CTNND2: variants seen among roughly 807,000 people sequenced by gnomAD.
CTNND2 encodes catenin delta 2.
In CTNND2, 22 loss-of-function variants were observed where a neutral mutation model predicts 144.4. The observed-to-expected ratio is 0.15, with a 90% CI of 0.11 to 0.22. The LOEUF is 0.22. Ranked by LOEUF, CTNND2 falls within the 10% of genes least tolerant of loss-of-function variation. The probability of loss-of-function intolerance (pLI) is 1.00; values close to 1 mark genes in which losing one functional copy is unlikely to be tolerated. For missense variants in CTNND2, 1,353 were observed against 1,618.8 expected (o/e 0.84, Z 2.82); for synonymous variants, 751 against 695.6 (o/e 1.08, Z -1.25).
intron 2 of CTNND2, among the ~76,000 whole-genome samples, chr5:11,630,130 C>T (rs1284139594): frequency 3.3e-5 from 5 of 152,128 alleles, no homozygotes; most frequent in Admixed American, 3.3e-4. Flanking sequence ...CATTGTGCTT[C>T]TTAGTCCTGG....
At chr5:11,574,066 G>A (rs147957961) in intron 2 of CTNND2, among the ~76,000 whole-genome samples, 12 of 152,134 alleles carry the variant, frequency 7.9e-5, no homozygotes, top group Non-Finnish European at 1.8e-4. Flanking sequence ...CTCTAGAACT[G>A]TTTAAAATGC....
intron 18 of CTNND2, among the ~76,000 whole-genome samples, chr5:11,013,561 A>G (rs1741308547): frequency 6.6e-6 from 1 of 152,230 alleles, no homozygotes; most frequent in African/African-American, 2.4e-5. Context: ...CAGAGAAGAC[A>G]GATTAGACTT....
At chr5:11,145,735 C>G (rs1681410961) in intron 12 of CTNND2, among the ~76,000 whole-genome samples, 2 of 152,310 alleles carry the variant, frequency 1.3e-5, no homozygotes, top group Admixed American at 6.5e-5. Flanking sequence ...CTCTTCCAAT[C>G]ACACTTCCAT....
chr5:11,233,039 A>G (rs749374018), intron 10 of CTNND2, among the ~76,000 whole-genome samples: 12 of 152,244 alleles, frequency 7.9e-5, no homozygotes, highest in Admixed American at 3.3e-4. Flanking sequence ...ACCTTCTGCC[A>G]TGATTATAAG....
At chr5:11,263,507 A>ATG (rs1181795612) in intron 9 of CTNND2, among the ~76,000 whole-genome samples, 2 of 151,656 alleles carry the variant, frequency 1.3e-5, no homozygotes, top group African/African-American at 2.4e-5. Flanking sequence ...GTGTGCATGT[A>ATG]TGTGTGTGTG....
intron 8 of CTNND2, 69 bp downstream of exon 8, chr5:11,364,627 G>A (rs191668396): frequency 1.5e-6 from 2 of 1,292,872 alleles, no homozygotes; most frequent in Non-Finnish European, 1.0e-6. Context: ...ATTTGGGAGT[G>A]TTATTGAAGC....
chr5:11,440,510 C>T (rs961863585), intron 3 of CTNND2, among the ~76,000 whole-genome samples: 1 of 152,098 alleles, frequency 6.6e-6, no homozygotes. Flanking sequence ...TCTCCAAATT[C>T]TTAGGTATGA....
At chr5:11,351,386 C>T (rs1174892757) in intron 8 of CTNND2, among the ~76,000 whole-genome samples, 5 of 152,092 alleles carry the variant, frequency 3.3e-5, no homozygotes, top group Non-Finnish European at 4.4e-5. Context: ...CTGGTCTCTT[C>T]GGGAGATATA....
intron 2 of CTNND2, among the ~76,000 whole-genome samples, chr5:11,656,970 A>C (rs1782948341): frequency 6.6e-6 from 1 of 152,114 alleles, no homozygotes; most frequent in Admixed American, 6.6e-5. Flanking sequence ...TGAGTTAGGA[A>C]TATCAGTTAG....
intron 3 of CTNND2, among the ~76,000 whole-genome samples, chr5:11,445,237 G>A (rs535528034): frequency 6.6e-6 from 1 of 152,214 alleles, no homozygotes; most frequent in South Asian, 2.1e-4. Context: ...TCTACCTCCT[G>A]TCATTACCTG....
In CTNND2 at chr5:11,875,982, G is replaced by C. The variant is rs151297500; in HGVS notation, c.37+27835C>G. Among the ~76,000 whole-genome samples the C allele has an allele frequency of 2.0e-5, 3 of 152,292 alleles. No homozygotes were observed. In the South Asian group the frequency reaches 6.2e-4, roughly 32 times the overall value. ...AATATCCTTGATAAGGAATAAAACA[G>C]ATGAAATTGTGAAGAAAGTGTATAA... is the stretch of plus-strand genomic sequence containing the variant. On this transcript the variant is annotated intron_variant, in intron 1 of 21. Transcript: ENST00000304623.
chr5:11,656,738 G>GT (rs1212337615), intron 2 of CTNND2, among the ~76,000 whole-genome samples: 1 of 152,106 alleles, frequency 6.6e-6, no homozygotes, highest in African/African-American at 2.4e-5. Flanking sequence ...TGCAAGCTCC[G>GT]TAACAGTGAG....
intron 9 of CTNND2, among the ~76,000 whole-genome samples, chr5:11,288,368 T>C (rs1747966904): frequency 1.3e-5 from 2 of 152,014 alleles, no homozygotes; most frequent in Admixed American, 1.3e-4. Flanking sequence ...GAAAAACAAC[T>C]GCTAACTAAT....
intron 13 of CTNND2, among the ~76,000 whole-genome samples, chr5:11,114,831 G>C (rs1189807686): frequency 6.6e-6 from 1 of 152,154 alleles, no homozygotes; most frequent in African/African-American, 2.4e-5. Context: ...CCCTCAATTT[G>C]TCATTGTGAA....
intron 1 of CTNND2, among the ~76,000 whole-genome samples, chr5:11,778,001 G>A (rs1055192834): frequency 1.1e-4 from 17 of 152,106 alleles, no homozygotes; most frequent in Admixed American, 7.9e-4. Flanking sequence ...GTGCCACTTC[G>A]TGCACTACTT....
At chr5:11,875,522 G>T (rs1735499984) in intron 1 of CTNND2, among the ~76,000 whole-genome samples, 1 of 152,128 alleles carries the variant, frequency 6.6e-6, no homozygotes. Context: ...AGTATTTAAA[G>T]CCAGGGGCCT....
At chr5:11,868,188 G>C (rs901075447) in intron 1 of CTNND2, among the ~76,000 whole-genome samples, 1 of 152,016 alleles carries the variant, frequency 6.6e-6, no homozygotes, top group Admixed American at 6.6e-5. Context: ...TCCCAGCTGT[G>C]GTGCTGAGGA....
At chr5:11,624,287 C>A (rs1252968068) in intron 2 of CTNND2, among the ~76,000 whole-genome samples, 1 of 152,056 alleles carries the variant, frequency 6.6e-6, no homozygotes, top group African/African-American at 2.4e-5. Context: ...TTGACCAATA[C>A]TGAACAGTAG....
chr5:10,992,768 A>G (rs1172193943), intron 18 of CTNND2, 91 bp from the exon 19 acceptor site: 10 of 1,512,072 alleles, frequency 6.6e-6, no homozygotes, highest in South Asian at 4.9e-5. Context: ...CTGGATTTGC[A>G]TAATATTTCT....
Sources: gnomAD v4.1 joint callset for allele counts (sites outside exome capture counted in the v4.1 genomes callset) on GRCh38, gnomAD v4.1.1 for gene constraint, MANE v1.5 for transcripts, NCBI Gene and HGNC (gene_info 2026-07-23, HGNC 2026-07-21) for gene names.